The following TNIK variants were observed in gnomAD, a reference collection of about 807,000 sequenced individuals.
TNIK encodes the protein TRAF2 and NCK interacting kinase.
A neutral mutation model predicts 191.3 loss-of-function variants in TNIK; 49 were observed. That is an observed-to-expected ratio of 0.26 (90% CI 0.20 to 0.32). The LOEUF (loss-of-function observed/expected upper bound fraction) is 0.32. TNIK is among the 10% of genes least tolerant of loss of function. TNIK has a pLI of 1.00. For synonymous variants in TNIK, 594 were observed against 600.9 expected (o/e 0.99, Z 0.17); for missense variants, 1,155 against 1,702.3 (o/e 0.68, Z 5.66).
chr3:171,288,033 T>C (rs913560144), intron 2 of TNIK, among the ~76,000 whole-genome samples: 9 of 150,148 alleles, frequency 6.0e-5, no homozygotes, highest in East Asian at 1.9e-4. Context: ...ATGGATGAAA[T>C]TGGAAACCAT....
At chr3:171,120,468 CT>C (rs1379718048) in intron 18 of TNIK, among the ~76,000 whole-genome samples, 44 of 151,938 alleles carry the variant, frequency 2.9e-4, no homozygotes, top group African/African-American at 9.9e-4. Flanking sequence ...CTACAGGCGC[CT>C]GCCACCATGC....
At chr3:171,459,018 G>A (rs1051108792) in intron 1 of TNIK, among the ~76,000 whole-genome samples, 1 of 152,138 alleles carries the variant, frequency 6.6e-6, no homozygotes, top group African/African-American at 2.4e-5. Flanking sequence ...GGAGTTGGGG[G>A]TGGGGAAGCG....
chr3:171,101,128 G>A (rs1189585158), intron 22 of TNIK, among the ~76,000 whole-genome samples: 1 of 152,060 alleles, frequency 6.6e-6, no homozygotes, highest in Non-Finnish European at 1.5e-5. Context: ...AGAGGGGAAG[G>A]CACGTATCAA....
chr3:171,232,150 T>C (rs1220110414), intron 2 of TNIK, among the ~76,000 whole-genome samples: 2 of 151,982 alleles, frequency 1.3e-5, no homozygotes, highest in South Asian at 2.1e-4. Context: ...ATAAGAGAAA[T>C]TTAAAATACA....
chr3:171,146,751 G>T (rs1184627050), intron 12 of TNIK, among the ~76,000 whole-genome samples: 1 of 152,018 alleles, frequency 6.6e-6, no homozygotes, highest in Non-Finnish European at 1.5e-5. Flanking sequence ...TTAGCTGGGT[G>T]TGATGGTGCG....
chr3:171,299,824 T>C (rs1265760341), intron 2 of TNIK, among the ~76,000 whole-genome samples: 3 of 152,156 alleles, frequency 2.0e-5, no homozygotes, highest in Admixed American at 6.5e-5. Flanking sequence ...GTGTGCTGAG[T>C]GGTAGCCACA....
chr3:171,271,760 TTA>T (rs1383367346), intron 2 of TNIK, among the ~76,000 whole-genome samples: 4 of 152,170 alleles, frequency 2.6e-5, no homozygotes, highest in African/African-American at 7.2e-5. Context: ...CTACAACCTA[TTA>T]TATATAACTT....
chr3:171,144,365 A>G (rs1197472288), intron 12 of TNIK, among the ~76,000 whole-genome samples: 1 of 152,008 alleles, frequency 6.6e-6, no homozygotes, highest in Non-Finnish European at 1.5e-5. Flanking sequence ...TCTTCTGTTG[A>G]TGTTCGCCAA....
Position 171,167,088 on chromosome 3 carries a change from G to A in TNIK, c.949+7C>T, listed in dbSNP as rs376897265. ...TTCTGCTGCTGAAATACAAATGTGC[G>A]TCTAACCTTTTTCTCCTCGCTTCTT... On this transcript the variant is annotated splice_region_variant and intron_variant, in intron 10 of 32. Coordinates refer to ENST00000436636, the MANE Select transcript of TNIK (RefSeq NM_015028.4). The A allele has an allele frequency of 5.2e-5, 83 of 1,608,230 alleles. 1 individual carries two copies. Among genetic ancestry groups the A allele is most frequent in the Admixed American group, 2.2e-4 (13 of 59,488 alleles).
chr3:171,395,112 T>C (rs1720054101), intron 1 of TNIK, among the ~76,000 whole-genome samples: 2 of 152,154 alleles, frequency 1.3e-5, no homozygotes, highest in South Asian at 4.1e-4. Flanking sequence ...AAAGACATGA[T>C]ATTTTTATGA....
At chr3:171,155,904 AC>A (rs959646178) in intron 12 of TNIK, among the ~76,000 whole-genome samples, 1 of 152,136 alleles carries the variant, frequency 6.6e-6, no homozygotes, top group Non-Finnish European at 1.5e-5. Context: ...TGGATCTGAA[AC>A]CCGGTTTTCT....
chr3:171,395,684 T>C (rs372015532), intron 1 of TNIK, among the ~76,000 whole-genome samples: 4 of 152,216 alleles, frequency 2.6e-5, no homozygotes, highest in African/African-American at 9.6e-5. Context: ...AGATTACAGT[T>C]ATTTTTAACT....
At chr3:171,078,918 C>T (rs1236623094) in intron 28 of TNIK, among the ~76,000 whole-genome samples, 1 of 152,166 alleles carries the variant, frequency 6.6e-6, no homozygotes, top group Non-Finnish European at 1.5e-5. Flanking sequence ...GCAAACCTTT[C>T]ATCTTCTGTT....
chr3:171,140,804 G>A (rs765415991), intron 12 of TNIK, among the ~76,000 whole-genome samples: 12 of 152,092 alleles, frequency 7.9e-5, no homozygotes, highest in African/African-American at 2.7e-4. Context: ...CAAGTCAGGC[G>A]TAGAAAACAC....
chr3:171,157,538 C>A lies in TNIK; in HGVS notation c.1143G>T (p.Glu381Asp). 1 of 1,568,616 alleles carries A rather than the reference C, an allele frequency of 6.4e-7. No homozygotes were observed. The change falls in exon 12 of 33, where the codon GAG becomes GAT. Residue 381 changes from glutamate (E) to aspartate (D), a missense_variant. Around this residue, in one of 3 missense-constraint regions of TNIK, gnomAD observed 735 missense variants for 848.0 expected, o/e 0.87. Coordinates refer to ENST00000436636, the MANE Select transcript of TNIK (RefSeq NM_015028.4). ...QQLEQQQREN[E>D]EHKRQLLAER... ...CGGCCAGCAGCTGCCGCTTGTGCTC[C>A]TCATTCTCCCGCTGCTGCTGCTCCA...
intron 15 of TNIK, among the ~76,000 whole-genome samples, chr3:171,137,309 G>A (rs778907060): frequency 7.3e-5 from 11 of 150,700 alleles, no homozygotes; most frequent in Admixed American, 2.0e-4. Context: ...TGAAAAAAGC[G>A]TGAGCTATCA....
At chr3:171,261,906 CCT>C (rs1407902720) in intron 2 of TNIK, among the ~76,000 whole-genome samples, 1 of 152,164 alleles carries the variant, frequency 6.6e-6, no homozygotes, top group Non-Finnish European at 1.5e-5. Flanking sequence ...GTAGAAAAAT[CCT>C]CTGTGAAGAG....
intron 1 of TNIK, among the ~76,000 whole-genome samples, chr3:171,438,242 A>G (rs555544117): frequency 6.6e-6 from 1 of 151,740 alleles, no homozygotes; most frequent in East Asian, 1.9e-4. Context: ...CTTGCATAGC[A>G]CCTAGGAGGT....
At chr3:171,134,023 A>AT (rs968309948) in intron 15 of TNIK, among the ~76,000 whole-genome samples, 58 of 150,440 alleles carry the variant, frequency 3.9e-4, no homozygotes, top group African/African-American at 6.3e-4. Flanking sequence ...CTTTGGTACA[A>AT]TTTTTTTTTT....
Sources: gnomAD v4.1 joint callset for allele counts (sites outside exome capture counted in the v4.1 genomes callset) on GRCh38, gnomAD v4.1.1 for gene constraint, gnomAD v4.1.1 regional missense constraint, MANE v1.5 for transcripts, NCBI Gene and HGNC (gene_info 2026-07-23, HGNC 2026-07-21) for gene names.